Variants in CALD1 observed in about 807,000 individuals in gnomAD.
CALD1 encodes the protein caldesmon 1.
Under a neutral mutation model 99.9 loss-of-function variants are expected in CALD1, and 33 were observed. The observed-to-expected ratio is 0.33, with a 90% confidence interval of 0.25 to 0.44. The LOEUF (loss-of-function observed/expected upper bound fraction) is 0.44, where lower values mean the gene tolerates loss of function less well. Ranked by LOEUF, CALD1 falls within the 20% of genes least tolerant of loss-of-function variation. The pLI is 1.00. For synonymous variants in CALD1, 310 were observed against 325.0 expected, an observed-to-expected ratio of 0.95 and a Z score of 0.50; for missense variants, 861 against 962.1, an observed-to-expected ratio of 0.89 and a Z score of 1.39.
At chr7:134,852,485 T>C (rs1371168612) in intron 2 of CALD1, among the ~76,000 whole-genome samples, 1 of 152,118 alleles carries the variant, frequency 6.6e-6, no homozygotes, top group Non-Finnish European at 1.5e-5. Context: ...TTTTCCTGAA[T>C]AACTCCATTC....
At chr7:134,798,275 A>G (rs1225421482) in intron 1 of CALD1, among the ~76,000 whole-genome samples, 4 of 152,196 alleles carry the variant, frequency 2.6e-5, no homozygotes, top group Non-Finnish European at 4.4e-5. Flanking sequence ...TCCACCTGTA[A>G]TACCTTAGGC....
chr7:134,915,687 C>T (rs1169432749), intron 3 of CALD1, among the ~76,000 whole-genome samples: 1 of 152,220 alleles, frequency 6.6e-6, no homozygotes, highest in Non-Finnish European at 1.5e-5. Flanking sequence ...TCAATTTGCA[C>T]ACACAAATGT....
chr7:134,891,595 C>T (rs1264108625), intron 3 of CALD1: 2 of 1,601,912 alleles, frequency 1.2e-6, no homozygotes, highest in Non-Finnish European at 1.7e-6. Flanking sequence ...ATCTCTCTGC[C>T]CCGCCGCCCC....
intron 1 of CALD1, among the ~76,000 whole-genome samples, chr7:134,815,448 G>C (rs1798523118): frequency 6.6e-6 from 1 of 152,050 alleles, no homozygotes; most frequent in Non-Finnish European, 1.5e-5. Flanking sequence ...CATTGTTCTT[G>C]GATAAGGAAA....
upstream of CALD1, among the ~76,000 whole-genome samples, chr7:134,776,374 G>A (rs766997953): frequency 1.3e-5 from 2 of 151,934 alleles, no homozygotes; most frequent in Non-Finnish European, 2.9e-5. Context: ...CTATTGAGAC[G>A]ATCTTTCTCT....
intron 1 of CALD1, among the ~76,000 whole-genome samples, chr7:134,841,109 G>T (rs1031771969): frequency 6.6e-6 from 1 of 152,056 alleles, no homozygotes; most frequent in African/African-American, 2.4e-5. Flanking sequence ...TTCGTGGAAA[G>T]ATGGTAGAAA....
chr7:134,939,164 TC>T (rs1806231505), intron 6 of CALD1, among the ~76,000 whole-genome samples: 2 of 152,216 alleles, frequency 1.3e-5, no homozygotes, highest in Admixed American at 6.5e-5. Context: ...CTCCTTCCTG[TC>T]CAGTGAATAC....
upstream of CALD1, among the ~76,000 whole-genome samples, chr7:134,741,260 C>T (rs188810811): frequency 1.4e-5 from 2 of 147,326 alleles, no homozygotes; most frequent in East Asian, 3.9e-4. Context: ...GCAAATACGT[C>T]CTTCTTCACA....
chr7:134,847,184 T>C (rs941714090), intron 2 of CALD1, among the ~76,000 whole-genome samples: 2 of 152,244 alleles, frequency 1.3e-5, no homozygotes, highest in East Asian at 3.8e-4. Context: ...CCAGTATTTT[T>C]GAAGTCAGTC....
rs1310182888 is a variant in CALD1, at chr7:134,969,852, G to C, written c.*1507G>C. The C allele has an allele frequency of 6.6e-6, 1 of 152,578 alleles. No homozygotes were observed. Among genetic ancestry groups the C allele is most frequent in the Admixed American group, 6.5e-5 (1 of 15,270 alleles). 9.5% of individuals were successfully genotyped at this position (152,578 alleles called of 1,614,324 possible). On this transcript the variant is annotated 3_prime_UTR_variant, in exon 15 of 15. Coordinates refer to ENST00000361675, the MANE Select transcript of CALD1 (RefSeq NM_033138.4). ...TGTCTTGGCAAAATGTTCTAGTATA[G>C]CTGGATACATACAGTGGAGTTCTAT...
intron 1 of CALD1, among the ~76,000 whole-genome samples, chr7:134,839,723 C>G (rs1799578585): frequency 1.3e-5 from 2 of 152,112 alleles, no homozygotes; most frequent in Non-Finnish European, 2.9e-5. Flanking sequence ...CAAGGTCTCT[C>G]TCTGTCCCCA....
intron 2 of CALD1, among the ~76,000 whole-genome samples, chr7:134,862,551 C>T (rs1800608242): frequency 6.6e-6 from 1 of 151,984 alleles, no homozygotes; most frequent in Non-Finnish European, 1.5e-5. Flanking sequence ...TCAGTGATTG[C>T]CAGGGTTTTG....
chr7:134,727,574 G>C, the CALD1 span, among the ~76,000 whole-genome samples: 16 of 152,218 alleles, frequency 1.1e-4, no homozygotes, highest in South Asian at 2.1e-4. Flanking sequence ...AAAGTAGCTT[G>C]AACAGGAGGA....
chr7:134,943,996 G>T (rs931939126), intron 7 of CALD1, among the ~76,000 whole-genome samples: 5 of 152,138 alleles, frequency 3.3e-5, no homozygotes, highest in African/African-American at 1.2e-4. Context: ...GTGACACCTA[G>T]TGGAATCCAT....
At chr7:134,835,317 G>A (rs549375091) in intron 1 of CALD1, among the ~76,000 whole-genome samples, 1 of 152,182 alleles carries the variant, frequency 6.6e-6, no homozygotes, top group Non-Finnish European at 1.5e-5. Flanking sequence ...TCTGGATTAG[G>A]TCTTACTGCA....
At chr7:134,907,455 T>C (rs1166298969) in intron 3 of CALD1, among the ~76,000 whole-genome samples, 1 of 152,052 alleles carries the variant, frequency 6.6e-6, no homozygotes, top group Non-Finnish European at 1.5e-5. Context: ...CAACTCTATG[T>C]TCAGGTGTCT....
chr7:134,736,639 C>T, the CALD1 span, among the ~76,000 whole-genome samples: 7 of 152,274 alleles, frequency 4.6e-5, no homozygotes, highest in South Asian at 4.1e-4. Flanking sequence ...ACTGTCAAGA[C>T]GACCTTAAAT....
chr7:134,811,272 T>C (rs1008634784), intron 1 of CALD1, among the ~76,000 whole-genome samples: 1 of 152,226 alleles, frequency 6.6e-6, no homozygotes, highest in African/African-American at 2.4e-5. Context: ...TTACTGACAC[T>C]GTACTAACAC....
intron 1 of CALD1, among the ~76,000 whole-genome samples, chr7:134,809,048 T>A (rs961298521): frequency 2.0e-5 from 3 of 152,094 alleles, no homozygotes; most frequent in Admixed American, 1.3e-4. Flanking sequence ...TCATAGAATA[T>A]CTATATTTAC....
Sources: gnomAD v4.1 joint callset for allele counts (sites outside exome capture counted in the v4.1 genomes callset) on GRCh38, gnomAD v4.1.1 for gene constraint, MANE v1.5 for transcripts, NCBI Gene and HGNC (gene_info 2026-07-23, HGNC 2026-07-21) for gene names.